CCDC30: variants seen among roughly 807,000 people sequenced by gnomAD.
CCDC30 encodes the protein coiled-coil domain containing 30.
Under a neutral mutation model 100.2 loss-of-function variants are expected in CCDC30, and 70 were observed. The ratio of observed to expected loss-of-function variants is 0.70; its 90% CI spans 0.58 to 0.85. The LOEUF is 0.85. CCDC30 is among the 40% of genes least tolerant of loss of function. The pLI is 0.00. For missense variants in CCDC30, 652 were observed against 771.2 expected (o/e 0.85, Z 1.83); for synonymous variants, 233 against 269.5 (o/e 0.86, Z 1.33).
At chr1:42,535,503 G>C (rs993697965) in intron 6 of CCDC30, among the ~76,000 whole-genome samples, 5 of 149,882 alleles carry the variant, frequency 3.3e-5, no homozygotes, top group African/African-American at 1.2e-4. Context: ...GCCAATTTCA[G>C]CTGCTTCCTG....
At chr1:42,598,664 A>G (rs1646340783) in intron 10 of CCDC30, among the ~76,000 whole-genome samples, 1 of 152,202 alleles carries the variant, frequency 6.6e-6, no homozygotes, top group Non-Finnish European at 1.5e-5. Context: ...ATCACTTTAG[A>G]CATCAATGGT....
At position 42,536,639 on chromosome 1, in the gene CCDC30, G is replaced by A. The variant is rs765960965; in HGVS notation, c.457-29657G>A. On this transcript the variant is annotated intron_variant, in intron 6 of 16. Coordinates refer to ENST00000668663, the Ensembl canonical transcript of CCDC30. The stretch of plus-strand genomic sequence containing the variant: ...AGGAAGCTGTTTTCTTCTTCTTGTA[G>A]TTCTAATTTAGGGATTTCATGTTAT... 27 of 1,400,014 alleles carry A rather than the reference G, an allele frequency of 1.9e-5. No individual in the cohort carries two copies. The Middle Eastern group carries it at 1.2e-3, about 65-fold the overall frequency. 86.7% of individuals were successfully genotyped at this position (1,400,014 alleles called of 1,614,324 possible).
At chr1:42,519,086 T>C (rs2148500651) in intron 6 of CCDC30, among the ~76,000 whole-genome samples, 1 of 152,372 alleles carries the variant, frequency 6.6e-6, no homozygotes, top group African/African-American at 2.4e-5. Flanking sequence ...ATTACATTGA[T>C]TTAGTTTCAA....
intron 9 of CCDC30, among the ~76,000 whole-genome samples, chr1:42,587,105 C>T (rs1411867452): frequency 3.3e-5 from 5 of 152,170 alleles, no homozygotes; most frequent in African/African-American, 9.7e-5. Context: ...TCAAGCACTT[C>T]GCCCACCTCA....
chr1:42,482,896 A>C (rs1242015762), intron 3 of CCDC30, 80 bp downstream of exon 3: 6 of 927,370 alleles, frequency 6.5e-6, no homozygotes, highest in Non-Finnish European at 8.5e-6. Context: ...CATGAGAAAA[A>C]AAAAAAACAC....
intron 11 of CCDC30, among the ~76,000 whole-genome samples, chr1:42,615,553 C>A (rs1362788951): frequency 1.3e-5 from 2 of 152,108 alleles, no homozygotes; most frequent in East Asian, 3.9e-4. Flanking sequence ...CCCGCCTCAG[C>A]CTCCTGTAAT....
intron 4 of CCDC30, among the ~76,000 whole-genome samples, chr1:42,494,314 G>GA: frequency 6.6e-6 from 1 of 152,296 alleles, no homozygotes; most frequent in East Asian, 1.9e-4. Context: ...GTAGAAAGCT[G>GA]AAACTGGATT....
chr1:42,520,342 T>C (rs1194177281), intron 6 of CCDC30, among the ~76,000 whole-genome samples: 1 of 151,822 alleles, frequency 6.6e-6, no homozygotes, highest in Non-Finnish European at 1.5e-5. Flanking sequence ...TTTCTCTTTT[T>C]TTTTTTTGAG....
intron 13 of CCDC30, among the ~76,000 whole-genome samples, chr1:42,644,242 T>C (rs1471286857): frequency 6.6e-6 from 1 of 151,958 alleles, no homozygotes; most frequent in East Asian, 1.9e-4. Context: ...CCAGTCCGAG[T>C]CCCAAAACTG....
At chr1:42,473,317 G>A (rs1164688643) in intron 1 of CCDC30, 1 of 1,208,012 alleles carries the variant, frequency 8.3e-7, no homozygotes, top group African/African-American at 1.6e-5. Flanking sequence ...AGAACTAATA[G>A]CATAGAATTT....
At chr1:42,629,890 G>A (rs199787238) in intron 11 of CCDC30, among the ~76,000 whole-genome samples, 3 of 151,138 alleles carry the variant, frequency 2.0e-5, no homozygotes, top group Non-Finnish European at 2.9e-5. Flanking sequence ...CTGGGATTAC[G>A]GGCGTGAGCC....
chr1:42,583,821 C>A (rs932505047), intron 9 of CCDC30, among the ~76,000 whole-genome samples: 1 of 152,120 alleles, frequency 6.6e-6, no homozygotes, highest in African/African-American at 2.4e-5. Context: ...GGCAAACAAT[C>A]ATGAAATGAA....
At chr1:42,474,299 G>A (rs1289374279) in intron 1 of CCDC30, among the ~76,000 whole-genome samples, 1 of 152,114 alleles carries the variant, frequency 6.6e-6, no homozygotes, top group African/African-American at 2.4e-5. Context: ...ACTGCTTTGA[G>A]CTTGAAATTT....
chr1:42,559,435 A>G (rs1488946982), intron 6 of CCDC30, among the ~76,000 whole-genome samples: 1 of 152,320 alleles, frequency 6.6e-6, no homozygotes, highest in East Asian at 1.9e-4. Context: ...CTCAAAATAA[A>G]GGGAGGGAGG....
At chr1:42,578,110 ATGTAACAGT>A (rs1645881276) in intron 8 of CCDC30, among the ~76,000 whole-genome samples, 1 of 152,198 alleles carries the variant, frequency 6.6e-6, no homozygotes. Flanking sequence ...TGGCAGTAGT[ATGTAACAGT>A]TGTACATTTT....
At chr1:42,600,885 G>A (rs1490153197) in intron 10 of CCDC30, among the ~76,000 whole-genome samples, 3 of 150,598 alleles carry the variant, frequency 2.0e-5, no homozygotes, top group Non-Finnish European at 3.0e-5. Flanking sequence ...CCCACTCACT[G>A]TGGTAAGACA....
intron 11 of CCDC30, among the ~76,000 whole-genome samples, chr1:42,611,895 T>TCCTC (rs1194696761): frequency 2.0e-5 from 3 of 152,112 alleles, no homozygotes; most frequent in African/African-American, 7.2e-5. Context: ...CCTCAAGTGA[T>TCCTC]CCTCCTTCCT....
In CCDC30 at chr1:42,580,649, GA is replaced by G. The variant is rs943304355; in HGVS notation, c.847-704del. On this transcript the variant is annotated intron_variant, in intron 8 of 16. Transcript: ENST00000668663. The stretch of plus-strand genomic sequence containing the variant: ...TTTTGCTGCTACATGAAAAAGGCAA[GA>G]AAAAAATGTTTTTAAATGACACTTT... 3.2e-4 allele frequency among the ~76,000 whole-genome samples: 49 copies of G among 151,950 alleles called. 1 individual carries two copies. Among genetic ancestry groups the G allele is most frequent in the African/African-American group, 1.1e-3 (44 of 41,458 alleles).
chr1:42,466,696 C>T (rs1239491289), intron 1 of CCDC30, among the ~76,000 whole-genome samples: 1 of 151,852 alleles, frequency 6.6e-6, no homozygotes, highest in Non-Finnish European at 1.5e-5. Flanking sequence ...GGATTACAGG[C>T]ACCCGCCACC....
Sources: gnomAD v4.1 joint callset for allele counts (sites outside exome capture counted in the v4.1 genomes callset) on GRCh38, gnomAD v4.1.1 for gene constraint, MANE v1.5 for transcripts, NCBI Gene and HGNC (gene_info 2026-07-23, HGNC 2026-07-21) for gene names.